SMAD2: variants seen among roughly 807,000 people sequenced by gnomAD.
SMAD2 encodes MAD homolog 2.
SMAD2 carries 8 observed loss-of-function variants against 64.4 expected under a neutral mutation model. The ratio of observed to expected loss-of-function variants is 0.12; its 90% CI spans 0.07 to 0.22. The LOEUF (loss-of-function observed/expected upper bound fraction) is 0.22. Among genes scored for constraint, SMAD2 ranks in the 10% least tolerant of loss-of-function variants. The probability of loss-of-function intolerance (pLI) is 1.00; values close to 1 mark genes in which losing one functional copy is unlikely to be tolerated. For missense variants in SMAD2, 289 were observed against 561.2 expected (o/e 0.51, Z 4.90); for synonymous variants, 203 against 195.8 (o/e 1.04, Z -0.31).
chr18:47,926,907 T>G (rs1003514358), intron 1 of SMAD2, among the ~76,000 whole-genome samples: 3 of 152,220 alleles, frequency 2.0e-5, no homozygotes, highest in South Asian at 2.1e-4. Context: ...AAGGGGTTAG[T>G]ACTTCCATTT....
chr18:47,900,405 C>T (rs1294668043), intron 1 of SMAD2, among the ~76,000 whole-genome samples: 1 of 152,116 alleles, frequency 6.6e-6, no homozygotes, highest in Non-Finnish European at 1.5e-5. Context: ...TCTCCATAAA[C>T]TGTTCATAAA....
At chr18:47,920,921 G>A (rs1333569801) in intron 1 of SMAD2, among the ~76,000 whole-genome samples, 1 of 152,224 alleles carries the variant, frequency 6.6e-6, no homozygotes, top group Non-Finnish European at 1.5e-5. Flanking sequence ...TTGAGGGGCC[G>A]TGGCAGGCAA....
chr18:47,927,170 G>C (rs2034798811), intron 1 of SMAD2, among the ~76,000 whole-genome samples: 3 of 152,138 alleles, frequency 2.0e-5, no homozygotes, highest in East Asian at 1.9e-4. Flanking sequence ...ATCAAATTAA[G>C]GTCAGATGAA....
rs1912150994 is a variant in SMAD2, at chr18:47,810,023, G to A, written c.*31804C>T. On this transcript the variant is annotated 3_prime_UTR_variant, in exon 11 of 11. Transcript: ENST00000262160. ...GTCTGTTAAATGCTGTAATTACAGA[G>A]TTGAAACACATACTCTTTCAGACAT... 1 of 152,158 alleles carries A rather than the reference G, an allele frequency of 6.6e-6. No individual in the cohort carries two copies. Among genetic ancestry groups the A allele is most frequent in the Admixed American group, 6.5e-5 (1 of 15,282 alleles). 9.4% of individuals were successfully genotyped at this position (152,158 alleles called of 1,614,324 possible). A position where few individuals can be genotyped will look rare whatever the true frequency, so the allele number is the denominator to read the frequency against.
chr18:47,883,061 G>C (rs2032700767), intron 2 of SMAD2, among the ~76,000 whole-genome samples: 1 of 152,008 alleles, frequency 6.6e-6, no homozygotes, highest in African/African-American at 2.4e-5. Context: ...TTGGCTTTCT[G>C]ATTTCTACTC....
At chr18:47,855,205 T>C (rs1358179227) in intron 6 of SMAD2, among the ~76,000 whole-genome samples, 1 of 152,218 alleles carries the variant, frequency 6.6e-6, no homozygotes, top group Admixed American at 6.5e-5. Flanking sequence ...ACATTATTAC[T>C]TGAGGACCTG....
Position 47,864,875 on chromosome 18 carries a change from A to T in SMAD2, c.730+184T>A, listed in dbSNP as rs111771114. The stretch of plus-strand genomic sequence containing the variant: ...TATTCTGCAGAGTAGCATACGTTAT[A>T]ATTTTTCAGTGACAACATGGACCTC... On this transcript the variant is annotated intron_variant, in intron 6 of 10. Coordinates refer to ENST00000262160, the MANE Select transcript of SMAD2 (RefSeq NM_005901.6). Among the ~76,000 whole-genome samples the T allele has an allele frequency of 9.1e-3, 1,387 of 152,302 alleles. 22 individuals are homozygous for T. The highest frequency in any genetic ancestry group is 0.032 in the African/African-American group (1,312 of 41,570).
chr18:47,886,305 A>C (rs918219027), intron 2 of SMAD2, among the ~76,000 whole-genome samples: 1 of 152,216 alleles, frequency 6.6e-6, no homozygotes, highest in African/African-American at 2.4e-5. Flanking sequence ...TTATGCATAG[A>C]GGTTATGTTT....
intron 8 of SMAD2, among the ~76,000 whole-genome samples, chr18:47,846,833 T>C (rs891361053): frequency 2.7e-4 from 41 of 152,264 alleles, no homozygotes; most frequent in Non-Finnish European, 5.1e-4. Context: ...GGTAAAAAAC[T>C]GATGTTTTAG....
chr18:47,921,622 A>G lies in SMAD2; in HGVS notation c.-54+8739T>C, dbSNP rs534385905. On this transcript the variant is annotated intron_variant, in intron 1 of 10. Transcript: ENST00000262160. ...TCTCCAAGAAGCCCCAGATGTTTCAATGATACCAGAACACTTTTCATTTTT... is the reference window on the plus strand; with the variant it reads ...TCTCCAAGAAGCCCCAGATGTTTCAGTGATACCAGAACACTTTTCATTTTT... Among the ~76,000 whole-genome samples, 3 of 152,310 alleles carry G rather than the reference A, an allele frequency of 2.0e-5. No homozygotes were observed. In the South Asian group the frequency reaches 6.2e-4, roughly 32 times the overall value.
rs990583535 is a variant in SMAD2, at chr18:47,903,883, G to C, written c.-53-7074C>G. On this transcript the variant is annotated intron_variant, in intron 1 of 10. Transcript: ENST00000262160. Reference sequence around the variant, plus strand: ...AAGAGGGAAAAAACAGTGTGGGGGGGGGGGGGACTCAGAATATCCAAAACC... The same window carrying C: ...AAGAGGGAAAAAACAGTGTGGGGGGCGGGGGGACTCAGAATATCCAAAACC... Among the ~76,000 whole-genome samples, 4 of 138,924 alleles carry C rather than the reference G, an allele frequency of 2.9e-5. 1 individual carries two copies. The highest frequency in any genetic ancestry group is 6.3e-5 in the Non-Finnish European group (4 of 63,778). The allele number at this position is 138,924 out of a possible 152,430, so 91.1% of individuals were successfully genotyped here.
chr18:47,895,022 C>T (rs938505685), intron 2 of SMAD2, among the ~76,000 whole-genome samples: 12 of 152,258 alleles, frequency 7.9e-5, no homozygotes, highest in Admixed American at 3.9e-4. Context: ...TCACAGCCTC[C>T]TAATTTTCCT....
At chr18:47,923,392 A>G (rs1291946224) in intron 1 of SMAD2, among the ~76,000 whole-genome samples, 1 of 152,190 alleles carries the variant, frequency 6.6e-6, no homozygotes, top group African/African-American at 2.4e-5. Context: ...AGTGCCACCC[A>G]ACACAACTTT....
In SMAD2 at chr18:47,818,472, A is replaced by G. The variant is rs931612753; in HGVS notation, c.*23355T>C. The G allele has an allele frequency of 2.0e-5, 3 of 152,230 alleles. No homozygotes were observed. The highest frequency in any genetic ancestry group is 4.4e-5 in the Non-Finnish European group (3 of 68,040). The allele number at this position is 152,230 out of a possible 1,614,324, so 9.4% of individuals were successfully genotyped here. Reference sequence around the variant, plus strand: ...AAAATCTTGAGCTCAGGGCAATAATATAAGGTATCTCTGGTATAGCATAAA... The same window carrying G: ...AAAATCTTGAGCTCAGGGCAATAATGTAAGGTATCTCTGGTATAGCATAAA... On this transcript the variant is annotated 3_prime_UTR_variant, in exon 11 of 11. Coordinates refer to ENST00000262160, the MANE Select transcript of SMAD2 (RefSeq NM_005901.6).
chr18:47,881,647 C>A (rs929259747), intron 2 of SMAD2, among the ~76,000 whole-genome samples: 1 of 152,182 alleles, frequency 6.6e-6, no homozygotes, highest in African/African-American at 2.4e-5. Context: ...CAAGAGTAGA[C>A]ATCCCTGTCT....
chr18:47,847,356 G>A (rs1792682), intron 8 of SMAD2, among the ~76,000 whole-genome samples: 83,506 of 151,634 alleles, frequency 0.55, 23,432 homozygotes, highest in East Asian at 0.82. Context: ...ACTTCTCACA[G>A]GAGGTAATGG....
At chr18:47,881,348 G>C (rs2032576818) in intron 2 of SMAD2, among the ~76,000 whole-genome samples, 7 of 152,102 alleles carry the variant, frequency 4.6e-5, no homozygotes, top group Admixed American at 4.6e-4. Context: ...TAAGTATTTA[G>C]TACTGATGCT....
chr18:47,912,562 A>T (rs1323122113), intron 1 of SMAD2: 1 of 152,318 alleles, frequency 6.6e-6, no homozygotes, highest in Non-Finnish European at 1.5e-5. Context: ...TACAAGTAAG[A>T]GTGTGTGCCA....
rs1912248535 is a variant in SMAD2, at chr18:47,812,866, A to G, written c.*28961T>C. Reference sequence around the variant, plus strand: ...CCAAGTACCACTTCTTGTAGGAAGCAGGGGTAACTTTCAATAGGGGTGGTT... The same window carrying G: ...CCAAGTACCACTTCTTGTAGGAAGCGGGGGTAACTTTCAATAGGGGTGGTT... On this transcript the variant is annotated 3_prime_UTR_variant, in exon 11 of 11. Transcript: ENST00000262160. 6.6e-6 allele frequency: 1 copy of G among 152,264 alleles called. No homozygotes were observed. The highest frequency in any genetic ancestry group is 2.1e-4 in the South Asian group (1 of 4,832). The allele number at this position is 152,264 out of a possible 1,614,324, so 9.4% of individuals were successfully genotyped here.
Sources: gnomAD v4.1 joint callset for allele counts (sites outside exome capture counted in the v4.1 genomes callset) on GRCh38, gnomAD v4.1.1 for gene constraint, MANE v1.5 for transcripts, NCBI Gene and HGNC (gene_info 2026-07-23, HGNC 2026-07-21) for gene names.